Variants in MTDH observed in about 807,000 individuals in gnomAD.
MTDH encodes protein LYRIC.
MTDH carries 34 observed loss-of-function variants against 72.7 expected under a neutral mutation model. The observed-to-expected ratio is 0.47, with a 90% CI of 0.36 to 0.62. The LOEUF is 0.62. Ranked by LOEUF, MTDH falls within the 20% of genes least tolerant of loss-of-function variation. The pLI is 0.00. For missense variants in MTDH, 677 were observed against 699.4 expected (o/e 0.97, Z 0.36); for synonymous variants, 266 against 268.9 (o/e 0.99, Z 0.10).
At chr8:97,662,132 C>G (rs1812195100) in intron 2 of MTDH, among the ~76,000 whole-genome samples, 1 of 151,468 alleles carries the variant, frequency 6.6e-6, no homozygotes, top group Non-Finnish European at 1.5e-5. Context: ...ACAGTGGTTC[C>G]TTCTACTGTG....
At chr8:97,687,390 C>T in intron 3 of MTDH, 39 bp from the exon 4 acceptor site, 1 of 1,535,700 alleles carries the variant, frequency 6.5e-7, no homozygotes, top group Non-Finnish European at 8.8e-7. Context: ...TTTTGTCTTC[C>T]CCTTACTGAA....
Position 97,661,176 on chromosome 8 carries a change from A to G in MTDH, c.483+3A>G, listed in dbSNP as rs1443086988. On this transcript the variant is annotated splice_donor_region_variant and intron_variant, in intron 2 of 11. Coordinates refer to ENST00000336273, the MANE Select transcript of MTDH (RefSeq NM_178812.4). Reference sequence around the variant, plus strand: ...AGATTGACAAGAAAAATGAAAAGGTAAGTTTGGGAGCATATGAAATTGTAT... The same window carrying G: ...AGATTGACAAGAAAAATGAAAAGGTGAGTTTGGGAGCATATGAAATTGTAT... 1.2e-6 allele frequency: 2 copies of G among 1,603,394 alleles called. No homozygotes were observed. The highest frequency in any genetic ancestry group is 2.2e-5 in the South Asian group (2 of 89,702).
chr8:97,666,127 C>CAAA (rs1232775004), intron 2 of MTDH, among the ~76,000 whole-genome samples: 1 of 68,216 alleles, frequency 1.5e-5, no homozygotes, highest in Non-Finnish European at 3.2e-5. Flanking sequence ...GACTCCGTCT[C>CAAA]AAAAAAAAAA....
At chr8:97,701,829 G>C (rs1317920963) in intron 7 of MTDH, among the ~76,000 whole-genome samples, 1 of 152,036 alleles carries the variant, frequency 6.6e-6, no homozygotes, top group Non-Finnish European at 1.5e-5. Flanking sequence ...AACATGATTA[G>C]CTGCTAAAAT....
chr8:97,692,742 G>T (rs976288306), intron 6 of MTDH, among the ~76,000 whole-genome samples: 1 of 150,520 alleles, frequency 6.6e-6, no homozygotes, highest in African/African-American at 2.4e-5. Flanking sequence ...TTTTGTTGTG[G>T]TTTTTAAGAT....
chr8:97,659,704 A>G (rs1480163541), intron 1 of MTDH, among the ~76,000 whole-genome samples: 1 of 152,222 alleles, frequency 6.6e-6, no homozygotes, highest in Non-Finnish European at 1.5e-5. Context: ...AAATAAAGCC[A>G]TTGAAACTAG....
chr8:97,653,449 A>G (rs940408878), intron 1 of MTDH, among the ~76,000 whole-genome samples: 1 of 152,236 alleles, frequency 6.6e-6, no homozygotes, highest in Non-Finnish European at 1.5e-5. Flanking sequence ...GAAAATTATA[A>G]TGACCTTACA....
chr8:97,654,009 C>T (rs533199366), intron 1 of MTDH, among the ~76,000 whole-genome samples: 2 of 152,262 alleles, frequency 1.3e-5, no homozygotes, highest in South Asian at 4.1e-4. Flanking sequence ...CATATCTTGG[C>T]CATGTGACAG....
chr8:97,703,508 A>G (rs542212541), intron 7 of MTDH, among the ~76,000 whole-genome samples: 1 of 152,336 alleles, frequency 6.6e-6, no homozygotes, highest in Admixed American at 6.5e-5. Context: ...TCTGGCAAGA[A>G]GTCTTAGAGA....
At chr8:97,687,968 A>G (rs1813432745) in intron 4 of MTDH, among the ~76,000 whole-genome samples, 1 of 152,218 alleles carries the variant, frequency 6.6e-6, no homozygotes, top group South Asian at 2.1e-4. Flanking sequence ...ACCATTTTGC[A>G]TGTTGAGAGC....
chr8:97,722,109 A>G (rs979233588), intron 10 of MTDH, among the ~76,000 whole-genome samples: 2 of 152,172 alleles, frequency 1.3e-5, no homozygotes, highest in Non-Finnish European at 2.9e-5. Flanking sequence ...ACTAACAAGT[A>G]TAAAATCAGC....
Position 97,644,258 on chromosome 8 carries a change from C to G in MTDH, c.-249C>G, listed in dbSNP as rs1348766842. 2 of 527,500 alleles carry G rather than the reference C, an allele frequency of 3.8e-6. No individual in the cohort carries two copies. The highest frequency in any genetic ancestry group is 5.3e-5 in the South Asian group (2 of 37,932). The allele number at this position is 527,500 out of a possible 1,614,324, so 32.7% of individuals were successfully genotyped here. On this transcript the variant is annotated 5_prime_UTR_variant, in exon 1 of 12. Coordinates refer to ENST00000336273, the MANE Select transcript of MTDH (RefSeq NM_178812.4). ...CCGAGACGCCGCTTAGCGGCCGCCACTGGAGACACTCCCTCCCGCCTCCCG... is the reference window on the plus strand; with the variant it reads ...CCGAGACGCCGCTTAGCGGCCGCCAGTGGAGACACTCCCTCCCGCCTCCCG...
At chr8:97,661,237 G>A in intron 2 of MTDH, 64 bp downstream of exon 2, 2 of 1,217,720 alleles carry the variant, frequency 1.6e-6, no homozygotes, top group Non-Finnish European at 2.3e-6. Context: ...TAAGGATAAT[G>A]CTTTTCTGTT....
chr8:97,697,533 G>A (rs1336965960), intron 6 of MTDH, among the ~76,000 whole-genome samples: 4 of 151,436 alleles, frequency 2.6e-5, no homozygotes, highest in African/African-American at 4.9e-5. Context: ...CTGCAGGCAC[G>A]TGCCACCACA....
chr8:97,663,260 A>C (rs1054057102), intron 2 of MTDH, among the ~76,000 whole-genome samples: 2 of 152,186 alleles, frequency 1.3e-5, no homozygotes, highest in African/African-American at 4.8e-5. Context: ...GACAGGGTAT[A>C]AAATCACAGT....
chr8:97,679,852 T>C (rs1812998118), intron 2 of MTDH, among the ~76,000 whole-genome samples: 1 of 152,204 alleles, frequency 6.6e-6, no homozygotes, highest in African/African-American at 2.4e-5. Context: ...TTTAAGTGAG[T>C]TACCATATGT....
At chr8:97,685,423 A>G (rs112388308) in intron 2 of MTDH, among the ~76,000 whole-genome samples, 48 of 152,282 alleles carry the variant, frequency 3.2e-4, no homozygotes, top group African/African-American at 1.1e-3. Flanking sequence ...TTGAGCATAT[A>G]TGCAGGTTTT....
At chr8:97,683,980 G>A (rs866154807) in intron 2 of MTDH, among the ~76,000 whole-genome samples, 18 of 152,108 alleles carry the variant, frequency 1.2e-4, no homozygotes, top group African/African-American at 3.6e-4. Context: ...GCATGGTAGC[G>A]CATGCCTGTA....
intron 7 of MTDH, among the ~76,000 whole-genome samples, chr8:97,702,162 T>G (rs937123915): frequency 1.3e-5 from 2 of 152,234 alleles, no homozygotes; most frequent in African/African-American, 4.8e-5. Context: ...GCCCTCCAGT[T>G]TGAAGACATA....
Sources: gnomAD v4.1 joint callset for allele counts (sites outside exome capture counted in the v4.1 genomes callset) on GRCh38, gnomAD v4.1.1 for gene constraint, MANE v1.5 for transcripts, NCBI Gene and HGNC (gene_info 2026-07-23, HGNC 2026-07-21) for gene names.